FSTL5: variants seen among roughly 807,000 people sequenced by gnomAD.
FSTL5 encodes follistatin-related protein 5.
FSTL5 carries 62 observed loss-of-function variants against 89.1 expected under a neutral mutation model. The observed-to-expected ratio is 0.70, with a 90% confidence interval of 0.57 to 0.86. The LOEUF (loss-of-function observed/expected upper bound fraction) is 0.86, where lower values mean the gene tolerates loss of function less well. Among genes scored for constraint, FSTL5 ranks in the 40% least tolerant of loss-of-function variants. The pLI is 0.00. For missense variants in FSTL5, 1,057 were observed against 1,001.6 expected (o/e 1.06, Z -0.75); for synonymous variants, 383 against 346.2 (o/e 1.11, Z -1.18).
chr4:161,774,542 C>T (rs1741328350), intron 5 of FSTL5, among the ~76,000 whole-genome samples: 1 of 152,046 alleles, frequency 6.6e-6, no homozygotes, highest in South Asian at 2.1e-4. Context: ...ATGTCCAAAT[C>T]CAGACCAGAT....
Position 161,538,317 on chromosome 4 carries a change from A to T in FSTL5, c.1178-17T>A. The stretch of plus-strand genomic sequence containing the variant: ...TGCCATTTGCTGAAAAAAGAAGGGA[A>T]ATGCAACTTGTAAACTACAATTTCA... On this transcript the variant is annotated splice_polypyrimidine_tract_variant and intron_variant, in intron 9 of 15. Coordinates refer to ENST00000306100, the MANE Select transcript of FSTL5 (RefSeq NM_020116.5). 1 of 1,613,322 alleles carries T rather than the reference A, an allele frequency of 6.2e-7. No individual in the cohort carries two copies. Among genetic ancestry groups the T allele is most frequent in the Non-Finnish European group, 8.5e-7 (1 of 1,179,464 alleles).
chr4:162,032,786 T>C (rs1045324537), intron 3 of FSTL5: 1 of 152,188 alleles, frequency 6.6e-6, no homozygotes, highest in Non-Finnish European at 1.5e-5. Context: ...ATTTATTTTT[T>C]AATTTTTGTA....
At chr4:161,713,132 C>T (rs1350034520) in intron 6 of FSTL5, among the ~76,000 whole-genome samples, 5 of 152,162 alleles carry the variant, frequency 3.3e-5, no homozygotes, top group East Asian at 3.9e-4. Flanking sequence ...GTGGTAAGTC[C>T]GAGCTCTTCC....
intron 2 of FSTL5, among the ~76,000 whole-genome samples, chr4:162,054,805 G>C (rs13149972): frequency 1.2e-4 from 18 of 151,588 alleles, no homozygotes; most frequent in Non-Finnish European, 2.5e-4. Context: ...GTAATGTTCA[G>C]GGATACAGTG....
chr4:162,051,932 C>T (rs1218753556), intron 2 of FSTL5, among the ~76,000 whole-genome samples: 1 of 149,784 alleles, frequency 6.7e-6, no homozygotes, highest in Non-Finnish European at 1.5e-5. Flanking sequence ...ACAACATTAG[C>T]AAAGAAAAAC....
At chr4:161,901,164 A>G (rs1733351098) in intron 4 of FSTL5, among the ~76,000 whole-genome samples, 1 of 151,704 alleles carries the variant, frequency 6.6e-6, no homozygotes, top group Non-Finnish European at 1.5e-5. Context: ...TTCTGAATTT[A>G]CATTTTAATG....
At chr4:161,561,479 T>C (rs557321473) in intron 8 of FSTL5, among the ~76,000 whole-genome samples, 2 of 152,042 alleles carry the variant, frequency 1.3e-5, no homozygotes, top group African/African-American at 4.8e-5. Context: ...TGGCTGTTAA[T>C]TGGCTCTGGG....
At chr4:161,459,002 A>G (rs1733463896) in intron 14 of FSTL5, among the ~76,000 whole-genome samples, 1 of 152,166 alleles carries the variant, frequency 6.6e-6, no homozygotes, top group South Asian at 2.1e-4. Context: ...GCATATAAAT[A>G]TAACCTTTAA....
At chr4:161,774,233 A>G (rs1741316178) in intron 5 of FSTL5, among the ~76,000 whole-genome samples, 1 of 152,178 alleles carries the variant, frequency 6.6e-6, no homozygotes, top group South Asian at 2.1e-4. Context: ...TGATTTCCCT[A>G]CAACATCACA....
At chr4:161,769,805 T>G (rs935785186) in intron 5 of FSTL5, among the ~76,000 whole-genome samples, 1 of 151,830 alleles carries the variant, frequency 6.6e-6, no homozygotes, top group Non-Finnish European at 1.5e-5. Flanking sequence ...CTGGAAGTCC[T>G]AGCTAGAGCA....
intron 7 of FSTL5, among the ~76,000 whole-genome samples, chr4:161,638,537 A>C (rs896015204): frequency 1.3e-5 from 2 of 151,902 alleles, no homozygotes; most frequent in Non-Finnish European, 2.9e-5. Flanking sequence ...GTCCAGGACC[A>C]GATGGATTCA....
chr4:161,494,896 C>CA (rs1730009921), intron 12 of FSTL5, among the ~76,000 whole-genome samples: 3 of 151,832 alleles, frequency 2.0e-5, no homozygotes, highest in African/African-American at 4.8e-5. Flanking sequence ...CCTGTCTCTA[C>CA]AAAAAATTGA....
At chr4:161,932,834 ATATTATTTTATTAATGTTATTGG>A in intron 3 of FSTL5, among the ~76,000 whole-genome samples, 1 of 152,012 alleles carries the variant, frequency 6.6e-6, no homozygotes, top group East Asian at 1.9e-4. Context: ...TTATTTTTAA[ATATTATTTTATTAATGTTATTGG>A]TTAGCTGAAA....
intron 4 of FSTL5, among the ~76,000 whole-genome samples, chr4:161,784,037 G>A (rs993938782): frequency 1.3e-5 from 2 of 151,620 alleles, no homozygotes; most frequent in Non-Finnish European, 2.9e-5. Flanking sequence ...CCAGATTCCA[G>A]CTATTCCCCT....
chr4:161,990,831 G>T (rs568902875), intron 3 of FSTL5, among the ~76,000 whole-genome samples: 42 of 152,182 alleles, frequency 2.8e-4, no homozygotes, highest in Non-Finnish European at 5.4e-4. Context: ...TGAAATATGT[G>T]AGCTACAACA....
intron 7 of FSTL5, among the ~76,000 whole-genome samples, chr4:161,648,822 C>T (rs1474512475): frequency 6.6e-6 from 1 of 152,126 alleles, no homozygotes; most frequent in African/African-American, 2.4e-5. Flanking sequence ...GACATGATTT[C>T]TTGGAAAGTG....
chr4:161,822,297 T>A (rs1045372113), intron 4 of FSTL5, among the ~76,000 whole-genome samples: 1 of 152,174 alleles, frequency 6.6e-6, no homozygotes, highest in African/African-American at 2.4e-5. Flanking sequence ...ATTGGGCTTG[T>A]TCCGCCCACA....
At position 161,479,833 on chromosome 4, in the gene FSTL5, C is replaced by T. The variant is rs1729435541; in HGVS notation, c.1608+1187G>A. On this transcript the variant is annotated intron_variant, in intron 13 of 15. Coordinates refer to ENST00000306100, the MANE Select transcript of FSTL5 (RefSeq NM_020116.5). Reference sequence around the variant, plus strand: ...ATTTATAAACCTGGAAGTGCCAGCTCTTCATAGAAGAAATGTTTTTCATGT... The same window carrying T: ...ATTTATAAACCTGGAAGTGCCAGCTTTTCATAGAAGAAATGTTTTTCATGT... Among the ~76,000 whole-genome samples the T allele has an allele frequency of 1.3e-5, 2 of 152,076 alleles. 1 individual carries two copies. Among genetic ancestry groups the T allele is most frequent in the South Asian group, 4.1e-4 (2 of 4,830 alleles).
chr4:161,653,180 AAG>A (rs775341988), intron 7 of FSTL5, among the ~76,000 whole-genome samples: 50 of 152,308 alleles, frequency 3.3e-4, no homozygotes, highest in Non-Finnish European at 6.6e-4. Context: ...TAGAACATTC[AAG>A]AGAGCAGAGT....
Sources: allele counts gnomAD v4.1 joint callset (sites outside exome capture counted in the v4.1 genomes callset), GRCh38; gene constraint gnomAD v4.1.1; transcripts MANE v1.5; gene names NCBI Gene and HGNC (gene_info 2026-07-23, HGNC 2026-07-21).